DSCAM: variants seen among roughly 807,000 people sequenced by gnomAD.
DSCAM encodes the protein cell adhesion molecule DSCAM.
DSCAM carries 47 observed loss-of-function variants against 217.7 expected under a neutral mutation model. That is an observed-to-expected ratio of 0.22 (90% CI 0.17 to 0.28). DSCAM has a LOEUF of 0.28. Ranked by LOEUF, DSCAM falls within the 10% of genes least tolerant of loss-of-function variation. DSCAM has a pLI of 1.00. For synonymous variants in DSCAM, 1,056 were observed against 1,015.3 expected (o/e 1.04, Z -0.76); for missense variants, 2,080 against 2,618.3 (o/e 0.79, Z 4.49).
intron 3 of DSCAM, among the ~76,000 whole-genome samples, chr21:40,375,068 A>G (rs951802084): frequency 1.3e-5 from 2 of 152,188 alleles, no homozygotes; most frequent in African/African-American, 4.8e-5. Context: ...ATCTGTTAGT[A>G]TCTGAGTATA....
At chr21:40,558,242 C>T (rs1179924116) in intron 3 of DSCAM, among the ~76,000 whole-genome samples, 1 of 151,862 alleles carries the variant, frequency 6.6e-6, no homozygotes. Flanking sequence ...GTCAGGAGAT[C>T]GAGACCATCC....
intron 11 of DSCAM, among the ~76,000 whole-genome samples, chr21:40,209,154 T>G (rs1864994868): frequency 6.6e-6 from 1 of 152,172 alleles, no homozygotes; most frequent in Non-Finnish European, 1.5e-5. Context: ...CTCTCAGAGC[T>G]GGTTGCCATG....
chr21:40,579,552 A>G (rs2076886482), intron 3 of DSCAM, among the ~76,000 whole-genome samples: 1 of 152,192 alleles, frequency 6.6e-6, no homozygotes, highest in Non-Finnish European at 1.5e-5. Context: ...TGGATTCTAG[A>G]AAGATTACAA....
At chr21:40,813,008 G>T (rs1418495592) in intron 1 of DSCAM, among the ~76,000 whole-genome samples, 1 of 152,200 alleles carries the variant, frequency 6.6e-6, no homozygotes, top group Admixed American at 6.5e-5. Context: ...AATGGCAGAT[G>T]GAAATTCACC....
In DSCAM at chr21:40,561,155, T is replaced by C. The variant is rs538105909; in HGVS notation, c.508+131655A>G. 3.9e-5 allele frequency among the ~76,000 whole-genome samples: 6 copies of C among 152,350 alleles called. No individual in the cohort carries two copies. The South Asian group carries it at 1.2e-3, about 32-fold the overall frequency. The stretch of plus-strand genomic sequence containing the variant: ...TTTGGTAAGAGCATAGGCTTTCGAT[T>C]GATAAGGAGCCAGGCTTCATTTCCA... On this transcript the variant is annotated intron_variant, in intron 3 of 32. Coordinates refer to ENST00000400454, the MANE Select transcript of DSCAM (RefSeq NM_001389.5).
intron 3 of DSCAM, among the ~76,000 whole-genome samples, chr21:40,432,429 A>C (rs1025426336): frequency 1.3e-5 from 2 of 151,998 alleles, no homozygotes; most frequent in African/African-American, 4.8e-5. Context: ...TCGGCCCTCC[A>C]GCCTCTGTCT....
intron 20 of DSCAM, among the ~76,000 whole-genome samples, chr21:40,111,540 G>T (rs1401628350): frequency 6.6e-6 from 1 of 152,148 alleles, no homozygotes; most frequent in South Asian, 2.1e-4. Flanking sequence ...ACATCATGAT[G>T]ACAGGATCAA....
chr21:40,205,685 C>CA (rs2146866853), intron 11 of DSCAM, among the ~76,000 whole-genome samples: 1 of 151,244 alleles, frequency 6.6e-6, no homozygotes, highest in South Asian at 2.1e-4. Context: ...TAAAGAGCCA[C>CA]AAAAAATGAT....
intron 11 of DSCAM, among the ~76,000 whole-genome samples, chr21:40,250,189 CCT>C (rs1196459694): frequency 6.6e-6 from 1 of 152,126 alleles, no homozygotes; most frequent in Non-Finnish European, 1.5e-5. Flanking sequence ...GGATTCACAG[CCT>C]CTGTCGCAAG....
chr21:40,375,836 C>A (rs948044426), intron 3 of DSCAM, among the ~76,000 whole-genome samples: 1 of 152,144 alleles, frequency 6.6e-6, no homozygotes, highest in African/African-American at 2.4e-5. Flanking sequence ...AGCTAAAGTA[C>A]CTTTTTTTAG....
intron 1 of DSCAM, among the ~76,000 whole-genome samples, chr21:40,749,791 T>A (rs1411291837): frequency 6.6e-6 from 1 of 152,174 alleles, no homozygotes; most frequent in Non-Finnish European, 1.5e-5. Flanking sequence ...ACTCCAGCGC[T>A]GTTCACAGAA....
At position 40,364,730 on chromosome 21, in the gene DSCAM, A is replaced by T. The variant is rs181566112; in HGVS notation, c.655+4369T>A. 3.6e-4 allele frequency among the ~76,000 whole-genome samples: 52 copies of T among 144,656 alleles called. 1 individual carries two copies. The East Asian group carries it at 8.8e-3, about 24-fold the overall frequency. 94.9% of individuals were successfully genotyped at this position (144,656 alleles called of 152,430 possible). On this transcript the variant is annotated intron_variant, in intron 4 of 32. Transcript: ENST00000400454. ...TATACACACACAGTAGTATATATAC[A>T]TATATATATATACACACACTAGTAT...
At chr21:40,125,381 G>A (rs2090083007) in intron 19 of DSCAM, among the ~76,000 whole-genome samples, 1 of 152,186 alleles carries the variant, frequency 6.6e-6, no homozygotes, top group African/African-American at 2.4e-5. Flanking sequence ...CTCTTGCTTT[G>A]TTTCTCATTA....
chr21:40,114,823 T>A (rs1865014789), intron 20 of DSCAM, among the ~76,000 whole-genome samples: 1 of 152,226 alleles, frequency 6.6e-6, no homozygotes, highest in African/African-American at 2.4e-5. Flanking sequence ...ATGCTCATCA[T>A]CACTGGCTGT....
At chr21:40,639,219 A>T (rs2089847721) in intron 3 of DSCAM, among the ~76,000 whole-genome samples, 1 of 152,110 alleles carries the variant, frequency 6.6e-6, no homozygotes, top group Non-Finnish European at 1.5e-5. Flanking sequence ...AAAACACGGC[A>T]CCGCTACTGT....
At chr21:40,201,028 T>A (rs2091063951) in intron 11 of DSCAM, among the ~76,000 whole-genome samples, 1 of 152,202 alleles carries the variant, frequency 6.6e-6, no homozygotes, top group Non-Finnish European at 1.5e-5. Context: ...CTAAAATATC[T>A]CCTCAGCTGG....
chr21:40,259,355 A>G (rs57010641), intron 11 of DSCAM, among the ~76,000 whole-genome samples: 11,609 of 151,642 alleles, frequency 0.077, 1,014 homozygotes, highest in East Asian at 0.22. Flanking sequence ...TTCTCTGGTT[A>G]TACCATCTCC....
chr21:40,633,878 C>G (rs2089723004), intron 3 of DSCAM, among the ~76,000 whole-genome samples: 1 of 152,134 alleles, frequency 6.6e-6, no homozygotes, highest in South Asian at 2.1e-4. Context: ...GGGAGGCAGT[C>G]TCCTATTAGA....
intron 1 of DSCAM, among the ~76,000 whole-genome samples, chr21:40,767,013 T>C (rs1370294763): frequency 6.6e-6 from 1 of 152,138 alleles, no homozygotes; most frequent in Non-Finnish European, 1.5e-5. Flanking sequence ...TTCATGGTTC[T>C]TTGTTTTAAA....
Sources: gnomAD v4.1 joint callset for allele counts (sites outside exome capture counted in the v4.1 genomes callset) on GRCh38, gnomAD v4.1.1 for gene constraint, MANE v1.5 for transcripts, NCBI Gene and HGNC (gene_info 2026-07-23, HGNC 2026-07-21) for gene names.